Variants in UNKL observed in about 807,000 individuals in gnomAD.
UNKL encodes the protein unk like zinc finger.
Under a neutral mutation model 78.0 loss-of-function variants are expected in UNKL, and 60 were observed. The observed-to-expected ratio is 0.77, with a 90% CI of 0.63 to 0.95. UNKL has a LOEUF of 0.95. Among genes scored for constraint, UNKL ranks in the 40% least tolerant of loss-of-function variants. UNKL has a pLI of 0.00. For synonymous variants in UNKL, 608 were observed against 474.8 expected (o/e 1.28, Z -3.65); for missense variants, 1,159 against 1,045.7 (o/e 1.11, Z -1.49).
chr16:1,394,716 C>T (rs1287937699), intron 6 of UNKL, among the ~76,000 whole-genome samples: 1 of 152,142 alleles, frequency 6.6e-6, no homozygotes, highest in African/African-American at 2.4e-5. Flanking sequence ...CCTCCTGCTC[C>T]GTAGCTCTCC....
Position 1,413,889 on chromosome 16 carries a change from AGCAGT to A in UNKL, c.239_243del (p.Tyr80PhefsTer72). On this transcript the variant is annotated frameshift_variant, in exon 2 of 15. Coordinates refer to ENST00000389221, the MANE Select transcript of UNKL (RefSeq NM_001372107.1). LOFTEE classifies it high-confidence loss of function. ...ACGCCGGTGGCTTCGTTGTACTTGGAGCAGTACACGTCGGGGCTGTAGTTGAAGGT... is the reference window on the plus strand; with the variant it reads ...ACGCCGGTGGCTTCGTTGTACTTGGAACACGTCGGGGCTGTAGTTGAAGGT... 1 of 1,557,608 alleles carries A rather than the reference AGCAGT, an allele frequency of 6.4e-7. No individual in the cohort carries two copies. The highest frequency in any genetic ancestry group is 8.7e-7 in the Non-Finnish European group (1 of 1,150,866).
intron 10 of UNKL, among the ~76,000 whole-genome samples, chr16:1,378,393 A>G (rs1596686854): frequency 6.6e-6 from 1 of 152,212 alleles, no homozygotes; most frequent in Non-Finnish European, 1.5e-5. Context: ...CAGCCCCTTC[A>G]GAGCTCACCG....
At chr16:1,391,483 G>A (rs2037051285) in intron 8 of UNKL, among the ~76,000 whole-genome samples, 1 of 152,092 alleles carries the variant, frequency 6.6e-6, no homozygotes, top group Non-Finnish European at 1.5e-5. Flanking sequence ...GCTTTCTGTA[G>A]AGACAGGGTC....
At chr16:1,410,276 A>G (rs983719273) in intron 2 of UNKL, among the ~76,000 whole-genome samples, 5 of 145,294 alleles carry the variant, frequency 3.4e-5, no homozygotes, top group Admixed American at 3.4e-4. Flanking sequence ...AGAAAAAAAA[A>G]AAAAAGAGAG....
intron 10 of UNKL, among the ~76,000 whole-genome samples, chr16:1,375,140 G>A (rs1425035975): frequency 6.6e-6 from 1 of 152,216 alleles, no homozygotes; most frequent in Non-Finnish European, 1.5e-5. Flanking sequence ...GCCCCCCAGG[G>A]CAGCCGGAGT....
At chr16:1,396,975 G>T in intron 6 of UNKL, 2 of 576,390 alleles carry the variant, frequency 3.5e-6, no homozygotes, top group South Asian at 4.1e-5. Context: ...GAGACTCGCT[G>T]GCTGAGGGCA....
At chr16:1,394,648 G>A (rs535479295) in intron 6 of UNKL, among the ~76,000 whole-genome samples, 15 of 152,296 alleles carry the variant, frequency 9.8e-5, no homozygotes, top group East Asian at 9.7e-4. Flanking sequence ...CTTAAGACCC[G>A]GCAAGGGACA....
rs1270478386 is a variant in UNKL at position 1,385,308 on chromosome 16, G to A, written c.1164C>T (p.Ser388=). 5.0e-6 allele frequency: 7 copies of A among 1,398,326 alleles called. No individual in the cohort carries two copies. The highest frequency in any genetic ancestry group is 6.5e-6 in the Non-Finnish European group (7 of 1,081,500). 86.6% of individuals were successfully genotyped at this position (1,398,326 alleles called of 1,614,324 possible). A position where few individuals can be genotyped will look rare whatever the true frequency, so the allele number is the denominator to read the frequency against. Residue 388 remains serine (S), a synonymous_variant, in exon 10 of 15, where the codon TCC becomes TCT. Transcript: ENST00000389221. ...GGGAGGAGCTGCCGGAGCCGGCGCTGGACGCCAGGCTGGACGCCACGCTGG... is the reference window on the plus strand; with the variant it reads ...GGGAGGAGCTGCCGGAGCCGGCGCTAGACGCCAGGCTGGACGCCACGCTGG... ...VSSSVASSLA[S]SAGSGSSSPT...
chr16:1,398,905 G>C, intron 5 of UNKL: 1 of 1,569,028 alleles, frequency 6.4e-7, no homozygotes, highest in Non-Finnish European at 8.6e-7. Flanking sequence ...TGTTGGCCCT[G>C]GGACTCAGCC....
At chr16:1,395,260 T>C (rs1047769893) in intron 6 of UNKL, among the ~76,000 whole-genome samples, 2 of 149,250 alleles carry the variant, frequency 1.3e-5, no homozygotes, top group Non-Finnish European at 3.0e-5. Context: ...CTCTGCCTCC[T>C]GGATTCAAGC....
At chr16:1,370,720 C>G (rs2035742155) in intron 11 of UNKL, among the ~76,000 whole-genome samples, 1 of 152,238 alleles carries the variant, frequency 6.6e-6, no homozygotes, top group African/African-American at 2.4e-5. Flanking sequence ...AAATGGTTTA[C>G]TTTCTTTTAA....
rs1430681350 is a variant in UNKL, at chr16:1,399,531, G to A, written c.599-22C>T. The A allele has an allele frequency of 6.3e-7, 1 of 1,579,524 alleles. No homozygotes were observed. The highest frequency in any genetic ancestry group is 8.6e-7 in the Non-Finnish European group (1 of 1,164,636). On this transcript the variant is annotated intron_variant, in intron 4 of 14. Coordinates refer to ENST00000389221, the MANE Select transcript of UNKL (RefSeq NM_001372107.1). This position sits in a 1 kb window ranked among gnomAD's most constrained non-coding sequence, Gnocchi z 5.8. Reference sequence around the variant, plus strand: ...GCATCTGAAAAATGGGCCACACGGTGCCTGAGCAGCGCGACTGGAAGCAAT... The same window carrying A: ...GCATCTGAAAAATGGGCCACACGGTACCTGAGCAGCGCGACTGGAAGCAAT...
intron 10 of UNKL, chr16:1,383,687 C>A (rs1309874094): frequency 2.5e-6 from 1 of 406,348 alleles, no homozygotes; most frequent in Admixed American, 2.6e-5. Context: ...CCACCAACGA[C>A]CAGAAGCTGC....
intron 3 of UNKL, among the ~76,000 whole-genome samples, chr16:1,402,324 A>G (rs760285727): frequency 6.6e-6 from 1 of 152,230 alleles, no homozygotes; most frequent in Non-Finnish European, 1.5e-5. Flanking sequence ...CGGGCCCAGA[A>G]GAGAAACACA....
chr16:1,377,043 G>C (rs1487176548), intron 10 of UNKL, among the ~76,000 whole-genome samples: 1 of 151,980 alleles, frequency 6.6e-6, no homozygotes, highest in Non-Finnish European at 1.5e-5. Context: ...CCCCAACCGA[G>C]ATAGAGTCTT....
chr16:1,369,488 G>T (rs1159027285), intron 12 of UNKL, among the ~76,000 whole-genome samples: 2 of 151,892 alleles, frequency 1.3e-5, no homozygotes, highest in African/African-American at 4.8e-5. Flanking sequence ...TCCTGCCTCA[G>T]CCTCCCCAGT....
At chr16:1,398,680 C>CCCG in intron 5 of UNKL, 1 of 1,234,640 alleles carries the variant, frequency 8.1e-7, no homozygotes, top group Non-Finnish European at 1.0e-6. Context: ...GTGGGGTCTG[C>CCCG]ACCCCCCCAC....
intron 11 of UNKL, 105 bp from the exon 12 acceptor site, chr16:1,370,462 TG>T: frequency 8.2e-7 from 1 of 1,214,800 alleles, no homozygotes; most frequent in Non-Finnish European, 1.1e-6. Flanking sequence ...GTGGTGGTGG[TG>T]GGGATATGGG....
chr16:1,381,059 G>T (rs541725440), intron 10 of UNKL, among the ~76,000 whole-genome samples: 1 of 152,126 alleles, frequency 6.6e-6, no homozygotes, highest in Non-Finnish European at 1.5e-5. Context: ...CCTCAGATAC[G>T]AAAGAATGGT....
Sources: gnomAD v4.1 joint callset for allele counts (sites outside exome capture counted in the v4.1 genomes callset) on GRCh38, gnomAD v4.1.1 for gene constraint, Gnocchi (gnomAD v3.1) non-coding constraint, MANE v1.5 for transcripts, NCBI Gene and HGNC (gene_info 2026-07-23, HGNC 2026-07-21) for gene names.